The following MRE11 variants were observed in gnomAD, a reference collection of about 807,000 sequenced individuals.
The protein encoded by MRE11 is MRE11 double strand break repair nuclease.
In MRE11, 62 loss-of-function variants were observed where a neutral mutation model predicts 91.7. The observed-to-expected ratio is 0.68, with a 90% CI of 0.55 to 0.84. The LOEUF is 0.84. MRE11 is among the 40% of genes least tolerant of loss of function. The pLI, the probability that MRE11 is intolerant of heterozygous loss-of-function variation, is 0.00. For missense variants in MRE11, 796 were observed against 852.9 expected, an observed-to-expected ratio of 0.93 and a Z score of 0.83; for synonymous variants, 273 against 271.4, an observed-to-expected ratio of 1.01 and a Z score of -0.06.
chr11:94,429,869 A>C (rs1945415762), intron 19 of MRE11, 42 bp downstream of exon 19: 3 of 1,504,308 alleles, frequency 2.0e-6, no homozygotes, highest in Non-Finnish European at 9.0e-7. Flanking sequence ...AAATTTTATA[A>C]AGTTAAAAAT....
intron 6 of MRE11, 107 bp from the exon 7 acceptor site, chr11:94,476,510 G>A: frequency 1.4e-6 from 1 of 729,828 alleles, no homozygotes; most frequent in South Asian, 1.6e-5. Flanking sequence ...TCACTTTACT[G>A]TTGGGAGATA....
At chr11:94,464,598 C>T (rs1480421477) in intron 10 of MRE11, among the ~76,000 whole-genome samples, 1 of 152,162 alleles carries the variant, frequency 6.6e-6, no homozygotes, top group Admixed American at 6.5e-5. Context: ...AACAAACACA[C>T]ACCAAAATAA....
At chr11:94,462,195 T>A (rs1946438497) in intron 11 of MRE11, among the ~76,000 whole-genome samples, 2 of 152,082 alleles carry the variant, frequency 1.3e-5, no homozygotes, top group South Asian at 4.1e-4. Context: ...TCAAAGAGAA[T>A]AAAATACCTA....
chr11:94,488,811 G>C (rs1033223495), intron 3 of MRE11, among the ~76,000 whole-genome samples: 1 of 152,022 alleles, frequency 6.6e-6, no homozygotes, highest in African/African-American at 2.4e-5. Flanking sequence ...ATAGGAGGAG[G>C]GAGAGGATCA....
intron 18 of MRE11, among the ~76,000 whole-genome samples, chr11:94,434,082 G>A (rs1364790418): frequency 1.3e-5 from 2 of 152,036 alleles, no homozygotes; most frequent in African/African-American, 2.4e-5. Context: ...ATACTGGCAC[G>A]TCCCTTAGGT....
the MRE11 span, among the ~76,000 whole-genome samples, chr11:94,511,040 G>C: frequency 9.2e-5 from 14 of 152,156 alleles, no homozygotes; most frequent in African/African-American, 3.4e-4. Context: ...ACTGCCTGGA[G>C]AAACACTGTG....
intron 2 of MRE11, among the ~76,000 whole-genome samples, chr11:94,491,498 G>A (rs1565242503): frequency 6.6e-6 from 1 of 151,966 alleles, no homozygotes; most frequent in Non-Finnish European, 1.5e-5. Flanking sequence ...ATTTGAATTT[G>A]GTAATATTCA....
intron 16 of MRE11, among the ~76,000 whole-genome samples, chr11:94,440,196 C>T (rs184235039): frequency 1.3e-5 from 2 of 152,330 alleles, no homozygotes; most frequent in Admixed American, 1.3e-4. Context: ...AGTTTATTTA[C>T]ATAGCCTCTT....
At chr11:94,443,801 T>C (rs1945851122) in intron 16 of MRE11, among the ~76,000 whole-genome samples, 1 of 152,168 alleles carries the variant, frequency 6.6e-6, no homozygotes, top group Non-Finnish European at 1.5e-5. Context: ...AGCATTGCCT[T>C]TGGGACTAAA....
chr11:94,459,350 A>G, intron 13 of MRE11, 58 bp downstream of exon 13: 1 of 1,575,592 alleles, frequency 6.3e-7, no homozygotes, highest in Admixed American at 1.7e-5. Flanking sequence ...AAAATCTCAG[A>G]GCTACTCTTA....
At chr11:94,473,507 G>GA (rs1163601420) in intron 7 of MRE11, 1 of 152,076 alleles carries the variant, frequency 6.6e-6, no homozygotes, top group Non-Finnish European at 1.5e-5. Flanking sequence ...AAACAAATGG[G>GA]AAATAAGGCA....
At chr11:94,459,909 G>A (rs190559230) in intron 12 of MRE11, among the ~76,000 whole-genome samples, 3 of 152,234 alleles carry the variant, frequency 2.0e-5, no homozygotes, top group Admixed American at 2.0e-4. Context: ...TGGGACCTGT[G>A]AATACATGGC....
chr11:94,481,997 A>G (rs1947024885), intron 4 of MRE11, among the ~76,000 whole-genome samples: 1 of 152,234 alleles, frequency 6.6e-6, no homozygotes, highest in Non-Finnish European at 1.5e-5. Flanking sequence ...GAAAGGAAAC[A>G]ATATTTGAAA....
At chr11:94,450,577 A>T (rs1322380008) in intron 14 of MRE11, among the ~76,000 whole-genome samples, 1 of 152,136 alleles carries the variant, frequency 6.6e-6, no homozygotes, top group Non-Finnish European at 1.5e-5. Flanking sequence ...TAAAATAAAA[A>T]ATTAATAATA....
At chr11:94,511,458 A>C in the MRE11 span, among the ~76,000 whole-genome samples, 1 of 152,354 alleles carries the variant, frequency 6.6e-6, no homozygotes. Context: ...TTGTCATAGT[A>C]ATGTAAACAA....
chr11:94,470,957 C>T (rs975760402), intron 8 of MRE11, among the ~76,000 whole-genome samples: 3 of 151,968 alleles, frequency 2.0e-5, no homozygotes, highest in Middle Eastern at 3.4e-3. Flanking sequence ...AGTATTACAT[C>T]TATATACCTA....
intron 4 of MRE11, among the ~76,000 whole-genome samples, chr11:94,481,321 T>A (rs1336005383): frequency 3.3e-5 from 5 of 151,796 alleles, no homozygotes; most frequent in African/African-American, 1.2e-4. Context: ...AAAAAAAAAA[T>A]AAAAGTTAAA....
At chr11:94,466,426 G>T in intron 10 of MRE11, 1 of 508,462 alleles carries the variant, frequency 2.0e-6, no homozygotes, top group Non-Finnish European at 4.1e-6. Flanking sequence ...GTGGGATAAA[G>T]AAACGGGAAC....
At chr11:94,466,930 C>G (rs1252270869) in intron 10 of MRE11, among the ~76,000 whole-genome samples, 1 of 152,100 alleles carries the variant, frequency 6.6e-6, no homozygotes, top group Non-Finnish European at 1.5e-5. Flanking sequence ...TATTGGTGGT[C>G]ATTAAAGCTG....
Sources: allele counts gnomAD v4.1 joint callset (sites outside exome capture counted in the v4.1 genomes callset), GRCh38; gene constraint gnomAD v4.1.1; transcripts MANE v1.5; gene names NCBI Gene and HGNC (gene_info 2026-07-23, HGNC 2026-07-21).